SORCS1: variants seen among roughly 807,000 people sequenced by gnomAD.
SORCS1 encodes sortilin related VPS10 domain containing receptor 1.
A neutral mutation model predicts 146.1 loss-of-function variants in SORCS1; 60 were observed. The ratio of observed to expected loss-of-function variants is 0.41; its 90% confidence interval spans 0.33 to 0.51. The LOEUF (loss-of-function observed/expected upper bound fraction) is 0.51, where lower values mean the gene tolerates loss of function less well. Ranked by LOEUF, SORCS1 falls within the 20% of genes least tolerant of loss-of-function variation. The pLI is 0.21. For synonymous variants in SORCS1, 637 were observed against 584.0 expected (o/e 1.09, Z -1.31); for missense variants, 1,352 against 1,487.6 (o/e 0.91, Z 1.50).
chr10:107,113,310 A>C (rs560865438), intron 1 of SORCS1, among the ~76,000 whole-genome samples: 1 of 152,328 alleles, frequency 6.6e-6, no homozygotes, highest in East Asian at 1.9e-4. Context: ...GAGACAAATG[A>C]AAATAAAATA....
chr10:106,878,646 A>ATATATATATATT lies in SORCS1; in HGVS notation c.627-48974_627-48973insAATATATATATA, dbSNP rs1200849744. Among the ~76,000 whole-genome samples the ATATATATATATT allele has an allele frequency of 2.2e-3, 263 of 117,852 alleles. 6 individuals carry two copies. The highest frequency in any genetic ancestry group is 4.9e-3 in the African/African-American group (175 of 35,366). The allele number at this position is 117,852 out of a possible 152,430, so 77.3% of individuals were successfully genotyped here. On this transcript the variant is annotated intron_variant, in intron 2 of 25. Transcript: ENST00000263054. ...TATATATATATATATATATATATAT[A>ATATATATATATT]TATTTTATAGCAGCCTGAATGGACT... is the stretch of plus-strand genomic sequence containing the variant.
intron 1 of SORCS1, among the ~76,000 whole-genome samples, chr10:107,048,722 C>A (rs17121985): frequency 0.011 from 1,621 of 152,198 alleles, 15 homozygotes; most frequent in South Asian, 0.028. Context: ...GTAGGTGACA[C>A]CATTTTTTGG....
chr10:106,923,510 A>G (rs1365688694), intron 2 of SORCS1, among the ~76,000 whole-genome samples: 1 of 152,168 alleles, frequency 6.6e-6, no homozygotes, highest in Non-Finnish European at 1.5e-5. Context: ...TTACAGTAAG[A>G]TTATGTTTAG....
intron 3 of SORCS1, 75 bp downstream of exon 3, chr10:106,829,499 G>T: frequency 3.1e-6 from 3 of 971,824 alleles, no homozygotes; most frequent in Non-Finnish European, 4.8e-6. Flanking sequence ...GGATTTTTAG[G>T]TAGCTAGAGT....
At chr10:106,798,789 T>TATATAC (rs1946722093) in intron 3 of SORCS1, among the ~76,000 whole-genome samples, 7 of 152,214 alleles carry the variant, frequency 4.6e-5, no homozygotes, top group Admixed American at 2.0e-4. Context: ...TTATAATGCT[T>TATATAC]TGGGTATATA....
intron 14 of SORCS1, among the ~76,000 whole-genome samples, chr10:106,674,603 T>C (rs1851887723): frequency 1.3e-5 from 2 of 152,108 alleles, no homozygotes; most frequent in Non-Finnish European, 2.9e-5. Flanking sequence ...TGAGTGTAAA[T>C]GCAATTTCAC....
chr10:106,678,333 G>T (rs1027532616), intron 12 of SORCS1, among the ~76,000 whole-genome samples: 3 of 152,162 alleles, frequency 2.0e-5, no homozygotes, highest in African/African-American at 7.2e-5. Flanking sequence ...AAGATCAATT[G>T]CTATGGAGTT....
chr10:106,741,909 C>T (rs1394371750), intron 5 of SORCS1, among the ~76,000 whole-genome samples: 1 of 152,192 alleles, frequency 6.6e-6, no homozygotes, highest in Non-Finnish European at 1.5e-5. Context: ...AGTGCCTGGC[C>T]TGTAGGTAAG....
chr10:106,798,312 A>G (rs532474175), intron 3 of SORCS1, among the ~76,000 whole-genome samples: 18 of 152,110 alleles, frequency 1.2e-4, no homozygotes, highest in African/African-American at 4.3e-4. Flanking sequence ...TTTATACTTT[A>G]AGTTCTATGG....
intron 20 of SORCS1, 47 bp downstream of exon 20, chr10:106,620,381 G>T (rs374146439): frequency 6.3e-7 from 1 of 1,579,676 alleles, no homozygotes; most frequent in Admixed American, 1.7e-5. Context: ...TTCAGGCAGC[G>T]TGAATTGAGC....
intron 2 of SORCS1, among the ~76,000 whole-genome samples, chr10:106,852,955 GT>G (rs888551327): frequency 1.3e-5 from 2 of 152,074 alleles, no homozygotes; most frequent in Non-Finnish European, 1.5e-5. Flanking sequence ...TCATTGGGTG[GT>G]TTTTGATATT....
intron 1 of SORCS1, among the ~76,000 whole-genome samples, chr10:107,118,611 C>G (rs1038515326): frequency 1.3e-5 from 2 of 152,112 alleles, no homozygotes; most frequent in African/African-American, 4.8e-5. Context: ...AAAGGATAAA[C>G]AGACCGATGG....
At chr10:106,997,148 TC>T (rs1957036403) in intron 1 of SORCS1, among the ~76,000 whole-genome samples, 1 of 152,084 alleles carries the variant, frequency 6.6e-6, no homozygotes, top group African/African-American at 2.4e-5. Context: ...TGATATTCTT[TC>T]TCCTGGTAAT....
intron 2 of SORCS1, among the ~76,000 whole-genome samples, chr10:106,918,365 A>G (rs747144360): frequency 6.6e-6 from 1 of 152,010 alleles, no homozygotes; most frequent in Non-Finnish European, 1.5e-5. Flanking sequence ...GTGTTTCACC[A>G]TGTTAGCCAG....
intron 2 of SORCS1, among the ~76,000 whole-genome samples, chr10:106,849,736 G>C (rs1343148450): frequency 6.6e-6 from 1 of 151,288 alleles, no homozygotes; most frequent in Non-Finnish European, 1.5e-5. Flanking sequence ...TTTGGTCTTT[G>C]ATGATGGTGA....
At chr10:107,089,094 T>TAAA (rs1236980651) in intron 1 of SORCS1, among the ~76,000 whole-genome samples, 6 of 152,224 alleles carry the variant, frequency 3.9e-5, no homozygotes, top group Non-Finnish European at 8.8e-5. Flanking sequence ...TGCTAACCTC[T>TAAA]AAAACATCAA....
chr10:106,902,637 T>G, intron 2 of SORCS1, among the ~76,000 whole-genome samples: 1 of 152,226 alleles, frequency 6.6e-6, no homozygotes, highest in Non-Finnish European at 1.5e-5. Flanking sequence ...GGTGGTGGTC[T>G]TATGGGTTAC....
At chr10:106,592,565 T>A (rs1249023403) in intron 24 of SORCS1, among the ~76,000 whole-genome samples, 6 of 152,248 alleles carry the variant, frequency 3.9e-5, no homozygotes, top group African/African-American at 1.4e-4. Flanking sequence ...CTGCTGAACA[T>A]CTGCTGAGCA....
At chr10:106,813,434 G>A (rs113134531) in intron 3 of SORCS1, among the ~76,000 whole-genome samples, 8 of 152,174 alleles carry the variant, frequency 5.3e-5, no homozygotes, top group African/African-American at 1.9e-4. Flanking sequence ...CGCCCGGCCT[G>A]ACAGGCGCAT....
Sources: gnomAD v4.1 joint callset for allele counts (sites outside exome capture counted in the v4.1 genomes callset) on GRCh38, gnomAD v4.1.1 for gene constraint, MANE v1.5 for transcripts, NCBI Gene and HGNC (gene_info 2026-07-23, HGNC 2026-07-21) for gene names.